ABI1: variants seen among roughly 807,000 people sequenced by gnomAD.
The protein encoded by ABI1 is Abelson interactor 1.
In ABI1, 14 loss-of-function variants were observed where a neutral mutation model predicts 54.6. That is an observed-to-expected ratio of 0.26 (90% CI 0.17 to 0.40). The LOEUF (loss-of-function observed/expected upper bound fraction) is 0.40. Among genes scored for constraint, ABI1 ranks in the 10% least tolerant of loss-of-function variants. ABI1 has a pLI of 1.00. For missense variants in ABI1, 443 were observed against 598.3 expected (o/e 0.74, Z 2.71); for synonymous variants, 194 against 209.3 (o/e 0.93, Z 0.63).
chr10:26,798,989 A>C (rs573264562), intron 2 of ABI1, among the ~76,000 whole-genome samples: 1 of 152,248 alleles, frequency 6.6e-6, no homozygotes, highest in South Asian at 2.1e-4. Flanking sequence ...AGGAGAAAAA[A>C]GAGACAGAAC....
At chr10:26,754,129 CATCT>C (rs1274968069) in intron 9 of ABI1, among the ~76,000 whole-genome samples, 3 of 152,142 alleles carry the variant, frequency 2.0e-5, no homozygotes, top group African/African-American at 4.8e-5. Flanking sequence ...ATAAGATTCA[CATCT>C]ATCTATCCAT....
At position 26,759,199 on chromosome 10, in the gene ABI1, A is replaced by G; in HGVS notation, c.860T>C (p.Met287Thr). 1.2e-6 allele frequency: 2 copies of G among 1,614,132 alleles called. No homozygotes were observed. Among genetic ancestry groups the G allele is most frequent in the South Asian group, 1.1e-5 (1 of 91,080 alleles). The change falls in exon 8 of 11, where the codon ATG (methionine) becomes ACG (threonine). Residue 287 changes from methionine (M) to threonine (T), a missense_variant. Physicochemically the swap from Met to Thr is moderately conservative, Grantham distance 81. Transcript: ENST00000376140. ...GSAPGSQYGT[M>T]TRQISRHNST... ...GTTGTGTCGAGATATCTGCCTGGTC[A>G]TTGTGCCATACTGGGAACCAGGAGC...
chr10:26,851,535 G>A (rs1051162261), intron 1 of ABI1, among the ~76,000 whole-genome samples: 1 of 151,858 alleles, frequency 6.6e-6, no homozygotes, highest in Non-Finnish European at 1.5e-5. Flanking sequence ...GGAGAGATAG[G>A]TCAGTTACTA....
chr10:26,755,943 A>C (rs1472379828), intron 8 of ABI1, among the ~76,000 whole-genome samples: 1 of 152,232 alleles, frequency 6.6e-6, no homozygotes, highest in East Asian at 1.9e-4. Flanking sequence ...CCTAAAGGCC[A>C]AGTTGTGCTT....
At chr10:26,764,425 A>G (rs894360311) in intron 7 of ABI1, among the ~76,000 whole-genome samples, 2 of 152,194 alleles carry the variant, frequency 1.3e-5, no homozygotes, top group Non-Finnish European at 2.9e-5. Context: ...TCATAGATAA[A>G]TGTAGTAAAG....
At chr10:26,760,920 T>C (rs1162916263) in intron 7 of ABI1, among the ~76,000 whole-genome samples, 1 of 111,510 alleles carries the variant, frequency 9.0e-6, no homozygotes, top group African/African-American at 3.4e-5. Context: ...AAAAAAAGAG[T>C]AAGCCTTTAA....
chr10:26,812,663 A>G (rs1227706125), intron 2 of ABI1, among the ~76,000 whole-genome samples: 1 of 152,236 alleles, frequency 6.6e-6, no homozygotes, highest in Admixed American at 6.5e-5. Flanking sequence ...TACAAGTCCA[A>G]GATCAACATG....
intron 1 of ABI1, among the ~76,000 whole-genome samples, chr10:26,849,119 A>T (rs1177697080): frequency 6.6e-6 from 1 of 152,202 alleles, no homozygotes; most frequent in East Asian, 1.9e-4. Flanking sequence ...TAAGACCTTT[A>T]CAGGGGGTCC....
At chr10:26,753,029 T>A (rs758070897) in intron 9 of ABI1, among the ~76,000 whole-genome samples, 1 of 152,176 alleles carries the variant, frequency 6.6e-6, no homozygotes, top group African/African-American at 2.4e-5. Context: ...ATCTGTCATA[T>A]AGGTTTAAAC....
At chr10:26,790,649 A>C (rs1646078519) in intron 2 of ABI1, 1 of 152,182 alleles carries the variant, frequency 6.6e-6, no homozygotes, top group Non-Finnish European at 1.5e-5. Flanking sequence ...GTGACCACTT[A>C]TGTTGTATTT....
In ABI1 at chr10:26,832,409, T is replaced by C. The variant is rs533333225; in HGVS notation, c.118-9104A>G. Among the ~76,000 whole-genome samples, 10 of 151,786 alleles carry C rather than the reference T, an allele frequency of 6.6e-5. No individual in the cohort carries two copies. In the South Asian group the frequency reaches 1.0e-3, roughly 16 times the overall value. ...CATCCTGGCTAACACAATGAAACCC[T>C]ATCTCTATTAAAAAATACAAAAAAA... is the stretch of plus-strand genomic sequence containing the variant. On this transcript the variant is annotated intron_variant, in intron 1 of 10. Transcript: ENST00000376140.
intron 3 of ABI1, among the ~76,000 whole-genome samples, chr10:26,774,597 A>T (rs529081947): frequency 6.6e-6 from 1 of 152,228 alleles, no homozygotes; most frequent in East Asian, 1.9e-4. Flanking sequence ...GATATTTTGC[A>T]TATTTTTAAA....
chr10:26,820,851 T>A (rs1429264182), intron 2 of ABI1, among the ~76,000 whole-genome samples: 1 of 151,408 alleles, frequency 6.6e-6, no homozygotes, highest in Non-Finnish European at 1.5e-5. Context: ...CTCCCAATAA[T>A]ACACTATTTA....
chr10:26,770,435 A>G (rs1159603639), intron 4 of ABI1, 90 bp from the exon 5 acceptor site: 1 of 1,245,356 alleles, frequency 8.0e-7, no homozygotes, highest in African/African-American at 1.5e-5. Context: ...AAATATCAGA[A>G]TGTGAATTAA....
chr10:26,795,732 T>C (rs555251304), intron 2 of ABI1, among the ~76,000 whole-genome samples: 1 of 152,000 alleles, frequency 6.6e-6, no homozygotes, highest in East Asian at 1.9e-4. Context: ...AATACACTGA[T>C]GAAAGAAACT....
intron 2 of ABI1, among the ~76,000 whole-genome samples, chr10:26,791,589 GGGA>G (rs1588890249): frequency 6.6e-6 from 1 of 152,232 alleles, no homozygotes; most frequent in Admixed American, 6.5e-5. Flanking sequence ...AAAACTAGAA[GGGA>G]GGAGGGTAAC....
chr10:26,802,444 G>C (rs1231201873), intron 2 of ABI1, among the ~76,000 whole-genome samples: 1 of 152,026 alleles, frequency 6.6e-6, no homozygotes, highest in Non-Finnish European at 1.5e-5. Flanking sequence ...CTAAAATGAG[G>C]GCAAAGGCAA....
At chr10:26,824,833 C>T (rs1414751836) in intron 1 of ABI1, among the ~76,000 whole-genome samples, 2 of 152,120 alleles carry the variant, frequency 1.3e-5, no homozygotes, top group South Asian at 4.1e-4. Context: ...CATACAGGCA[C>T]ACTGCAAAGA....
chr10:26,784,881 T>C (rs1842546581), intron 2 of ABI1, among the ~76,000 whole-genome samples: 1 of 152,142 alleles, frequency 6.6e-6, no homozygotes, highest in Admixed American at 6.5e-5. Flanking sequence ...CAAGGCCAAA[T>C]CTGTGCTCTA....
Sources: gnomAD v4.1 joint callset for allele counts (sites outside exome capture counted in the v4.1 genomes callset) on GRCh38, gnomAD v4.1.1 for gene constraint, MANE v1.5 for transcripts, NCBI Gene and HGNC (gene_info 2026-07-23, HGNC 2026-07-21) for gene names.